Variants in ARB2A observed in about 807,000 individuals in gnomAD.
The protein encoded by ARB2A is ARB2 cotranscriptional regulator A.
At chr5:93,791,442 C>G in the ARB2A span, among the ~76,000 whole-genome samples, 1 of 152,132 alleles carries the variant, frequency 6.6e-6, no homozygotes, top group Admixed American at 6.5e-5. Context: ...TATAAACTGT[C>G]TAAAAATAAC....
At chr5:94,097,280 C>A in the ARB2A span, among the ~76,000 whole-genome samples, 2 of 152,188 alleles carry the variant, frequency 1.3e-5, no homozygotes, top group Non-Finnish European at 2.9e-5. Context: ...CATAAGCTTG[C>A]AGCATAGTCT....
At chr5:93,798,467 A>G in the ARB2A span, among the ~76,000 whole-genome samples, 2 of 152,130 alleles carry the variant, frequency 1.3e-5, no homozygotes, top group Non-Finnish European at 2.9e-5. Context: ...TTACATTCTA[A>G]TAGTTATAAA....
the ARB2A span, among the ~76,000 whole-genome samples, chr5:94,043,657 C>T: frequency 6.6e-6 from 1 of 152,164 alleles, no homozygotes; most frequent in South Asian, 2.1e-4. Context: ...GGTTTCTGAC[C>T]TGTGGCAAAT....
chr5:94,017,712 T>C, the ARB2A span, among the ~76,000 whole-genome samples: 1 of 152,280 alleles, frequency 6.6e-6, no homozygotes, highest in South Asian at 2.1e-4. Context: ...AGTGACATAT[T>C]AGAAGCTGTA....
At chr5:94,051,964 C>T in the ARB2A span, among the ~76,000 whole-genome samples, 1 of 152,022 alleles carries the variant, frequency 6.6e-6, no homozygotes, top group Non-Finnish European at 1.5e-5. Flanking sequence ...GGACCACAGG[C>T]GCATGCCACC....
chr5:93,693,297 A>G, the ARB2A span, among the ~76,000 whole-genome samples: 2 of 152,196 alleles, frequency 1.3e-5, no homozygotes. Flanking sequence ...CAAAATAAAT[A>G]GACTGCTAGC....
At chr5:93,720,794 T>C in the ARB2A span, among the ~76,000 whole-genome samples, 1 of 152,296 alleles carries the variant, frequency 6.6e-6, no homozygotes, top group Non-Finnish European at 1.5e-5. Context: ...GTAATTATAT[T>C]TCAGGCATTT....
the ARB2A span, among the ~76,000 whole-genome samples, chr5:93,860,489 C>G: frequency 6.6e-6 from 1 of 151,162 alleles, no homozygotes; most frequent in Non-Finnish European, 1.5e-5. Context: ...CAAGCAAAAC[C>G]AAACAATATA....
the ARB2A span, among the ~76,000 whole-genome samples, chr5:93,628,382 T>C: frequency 6.6e-6 from 1 of 152,120 alleles, no homozygotes; most frequent in South Asian, 2.1e-4. Flanking sequence ...CTAGGATTTT[T>C]TAAAGTGGTA....
At chr5:94,078,130 T>C in the ARB2A span, among the ~76,000 whole-genome samples, 1 of 152,306 alleles carries the variant, frequency 6.6e-6, no homozygotes, top group Admixed American at 6.5e-5. Context: ...AGTCAGGTAT[T>C]AAATACGAAC....
chr5:93,728,414 T>G, the ARB2A span, among the ~76,000 whole-genome samples: 1 of 152,128 alleles, frequency 6.6e-6, no homozygotes, highest in Admixed American at 6.6e-5. Context: ...ATACATGTTT[T>G]TGCAAATGAA....
chr5:93,873,291 C>T, the ARB2A span, among the ~76,000 whole-genome samples: 1 of 10,112 alleles, frequency 9.9e-5, no homozygotes, highest in East Asian at 7.1e-3. Flanking sequence ...GACCCTGTCT[C>T]AAAAAAAAAA....
the ARB2A span, among the ~76,000 whole-genome samples, chr5:93,640,142 G>T: frequency 0.17 from 26,193 of 150,440 alleles, 2,978 homozygotes; most frequent in African/African-American, 0.31. Flanking sequence ...GCCAGGAGGG[G>T]TTATGAAAAT....
the ARB2A span, among the ~76,000 whole-genome samples, chr5:93,806,150 T>C: frequency 2.0e-5 from 3 of 152,030 alleles, no homozygotes; most frequent in Admixed American, 1.3e-4. Context: ...TTGCACCAAG[T>C]TGAGAGGCAC....
At chr5:93,808,959 A>T in the ARB2A span, among the ~76,000 whole-genome samples, 1 of 152,080 alleles carries the variant, frequency 6.6e-6, no homozygotes, top group Non-Finnish European at 1.5e-5. Context: ...GAAAACTGTA[A>T]ATATCTATTA....
At chr5:93,727,982 C>T in the ARB2A span, among the ~76,000 whole-genome samples, 1 of 152,026 alleles carries the variant, frequency 6.6e-6, no homozygotes, top group African/African-American at 2.4e-5. Context: ...ACTGGACTCT[C>T]ATTTTAGAAA....
the ARB2A span, among the ~76,000 whole-genome samples, chr5:93,991,977 G>T: frequency 1.3e-5 from 2 of 151,746 alleles, no homozygotes; most frequent in Admixed American, 6.6e-5. Context: ...TCAAATTACT[G>T]AAAACCAGTG....
the ARB2A span, among the ~76,000 whole-genome samples, chr5:93,940,089 A>T: frequency 6.6e-6 from 1 of 152,098 alleles, no homozygotes; most frequent in African/African-American, 2.4e-5. Flanking sequence ...ACATGTTACC[A>T]GCTTTCCAAT....
chr5:93,882,211 T>C, the ARB2A span, among the ~76,000 whole-genome samples: 3 of 151,452 alleles, frequency 2.0e-5, no homozygotes, highest in African/African-American at 7.2e-5. Context: ...TGATTTAACA[T>C]TACAAAACCA....
Sources: allele counts gnomAD v4.1 joint callset (sites outside exome capture counted in the v4.1 genomes callset), GRCh38; gene constraint gnomAD v4.1.1; transcripts MANE v1.5; gene names NCBI Gene and HGNC (gene_info 2026-07-23, HGNC 2026-07-21).